Variants in SGK3 observed in about 807,000 individuals in gnomAD.
SGK3 encodes serine/threonine-protein kinase Sgk3.
Under a neutral mutation model 68.5 loss-of-function variants are expected in SGK3, and 47 were observed. That is an observed-to-expected ratio of 0.69 (90% confidence interval 0.54 to 0.87). SGK3 has a LOEUF of 0.87. Ranked by LOEUF, SGK3 falls within the 40% of genes least tolerant of loss-of-function variation. The pLI is 0.00. For synonymous variants in SGK3, 181 were observed against 189.1 expected, an observed-to-expected ratio of 0.96 and a Z score of 0.35; for missense variants, 479 against 575.5, an observed-to-expected ratio of 0.83 and a Z score of 1.72.
intron 1 of SGK3, among the ~76,000 whole-genome samples, chr8:66,773,790 G>A (rs1055778924): frequency 1.3e-5 from 2 of 152,108 alleles, no homozygotes; most frequent in Admixed American, 6.6e-5. Context: ...GTGGGATAGC[G>A]TGAGATTTTA....
chr8:66,806,172 G>GT lies in SGK3; in HGVS notation c.253+1735dup, dbSNP rs146998330. Among the ~76,000 whole-genome samples the GT allele has an allele frequency of 2.7e-4, 41 of 149,794 alleles. No individual in the cohort carries two copies. The South Asian group carries it at 4.0e-3, about 15-fold the overall frequency. On this transcript the variant is annotated intron_variant, in intron 4 of 16. Coordinates refer to ENST00000521198, the MANE Select transcript of SGK3 (RefSeq NM_001033578.3). ...TCTTACTTCCCTGGTTACATACAGA[G>GT]TTTTTTTTTTCTCTCTTTCTTTCTT...
chr8:66,841,808 GTATC>G lies in SGK3; in HGVS notation c.978+702_978+705del, dbSNP rs1302548606. 3.9e-5 allele frequency among the ~76,000 whole-genome samples: 6 copies of G among 152,228 alleles called. No homozygotes were observed. The East Asian group carries it at 1.2e-3, about 29-fold the overall frequency. Reference sequence around the variant, plus strand: ...CTAATCATGTTAGCTAGCAAAAAAAGTATCTATTTGTGACAATAGTAATGATCCT... The same window carrying G: ...CTAATCATGTTAGCTAGCAAAAAAAGTATTTGTGACAATAGTAATGATCCT... On this transcript the variant is annotated intron_variant, in intron 13 of 16. Transcript: ENST00000521198.
intron 1 of SGK3, among the ~76,000 whole-genome samples, chr8:66,779,612 T>C (rs867994094): frequency 1.4e-5 from 2 of 142,514 alleles, no homozygotes; most frequent in African/African-American, 2.5e-5. Context: ...AAAACACATT[T>C]TTTATATATA....
intron 3 of SGK3, among the ~76,000 whole-genome samples, chr8:66,801,806 G>A (rs1807958512): frequency 6.6e-6 from 1 of 152,090 alleles, no homozygotes; most frequent in Non-Finnish European, 1.5e-5. Flanking sequence ...GGGGTGTAGG[G>A]AATGTCATCT....
intron 1 of SGK3, among the ~76,000 whole-genome samples, chr8:66,717,237 CA>C (rs925998705): frequency 2.2e-4 from 23 of 104,408 alleles, no homozygotes; most frequent in East Asian, 4.6e-4. Flanking sequence ...ACAAAAAAAA[CA>C]AAAAAAAAAC....
At chr8:66,752,331 T>C (rs1805842652) in intron 1 of SGK3, among the ~76,000 whole-genome samples, 1 of 152,138 alleles carries the variant, frequency 6.6e-6, no homozygotes, top group South Asian at 2.1e-4. Flanking sequence ...GACTTGGCAA[T>C]GTTAAAACCA....
intron 1 of SGK3, among the ~76,000 whole-genome samples, chr8:66,772,619 G>A (rs1180294016): frequency 1.3e-5 from 2 of 149,676 alleles, no homozygotes; most frequent in Non-Finnish European, 3.0e-5. Context: ...GGAGTGCAGT[G>A]GTGCAATCTC....
intron 1 of SGK3, among the ~76,000 whole-genome samples, chr8:66,720,950 A>G (rs1402352876): frequency 1.3e-5 from 2 of 152,108 alleles, no homozygotes; most frequent in African/African-American, 4.8e-5. Context: ...TGTCTCACAA[A>G]CAAAACAAAC....
intron 4 of SGK3, among the ~76,000 whole-genome samples, chr8:66,810,672 G>GC (rs1563640010): frequency 6.6e-6 from 1 of 152,180 alleles, no homozygotes; most frequent in African/African-American, 2.4e-5. Context: ...TTGCACTCCA[G>GC]CCTAGGCAAC....
At chr8:66,830,664 C>A (rs1809266386) in intron 7 of SGK3, among the ~76,000 whole-genome samples, 1 of 152,196 alleles carries the variant, frequency 6.6e-6, no homozygotes, top group Non-Finnish European at 1.5e-5. Flanking sequence ...CTTTTCTCTT[C>A]CTGGTTTTCC....
intron 1 of SGK3, among the ~76,000 whole-genome samples, chr8:66,743,245 A>G (rs1805534090): frequency 6.6e-6 from 1 of 152,326 alleles, no homozygotes; most frequent in African/African-American, 2.4e-5. Context: ...AAATGTATAT[A>G]AAAAAGAGAT....
intron 1 of SGK3, among the ~76,000 whole-genome samples, chr8:66,739,200 CA>C (rs1805411669): frequency 6.6e-6 from 1 of 152,116 alleles, no homozygotes; most frequent in Non-Finnish European, 1.5e-5. Context: ...TGGATTCTGA[CA>C]AGAGTTTTCT....
intron 5 of SGK3, among the ~76,000 whole-genome samples, chr8:66,820,302 A>G (rs541895932): frequency 6.6e-6 from 1 of 152,294 alleles, no homozygotes; most frequent in Admixed American, 6.5e-5. Flanking sequence ...ATGAAATTAT[A>G]TACTAGGTGA....
intron 1 of SGK3, among the ~76,000 whole-genome samples, chr8:66,784,275 C>G (rs894568516): frequency 1.3e-5 from 2 of 152,106 alleles, no homozygotes; most frequent in African/African-American, 4.8e-5. Flanking sequence ...CCTTTAGGTG[C>G]CATTGTTTCT....
intron 5 of SGK3, among the ~76,000 whole-genome samples, chr8:66,816,527 G>A (rs868112680): frequency 4.4e-4 from 67 of 151,654 alleles, no homozygotes; most frequent in African/African-American, 1.5e-3. Context: ...TGTATTTTTA[G>A]TAGAGACGGG....
rs535509397 is a variant in SGK3, at chr8:66,726,956, G to A, written c.-122+14123G>A. ...AACTTTACCAGTGATAACAAGTACT[G>A]TTGTCATATTCTAAAACCTAACAAT... On this transcript the variant is annotated intron_variant, in intron 1 of 16. Coordinates refer to ENST00000521198, the MANE Select transcript of SGK3 (RefSeq NM_001033578.3). 4.9e-4 allele frequency among the ~76,000 whole-genome samples: 75 copies of A among 152,196 alleles called. 1 individual carries two copies. The highest frequency in any genetic ancestry group is 1.6e-3 in the African/African-American group (65 of 41,530).
chr8:66,729,847 T>C (rs900768366), intron 1 of SGK3, among the ~76,000 whole-genome samples: 17 of 152,044 alleles, frequency 1.1e-4, no homozygotes, highest in African/African-American at 3.1e-4. Context: ...CGGATTCAAG[T>C]GATTCTTCTG....
chr8:66,745,466 C>T lies in SGK3; in HGVS notation c.-122+32633C>T, dbSNP rs565912308. Among the ~76,000 whole-genome samples, 492 of 151,798 alleles carry T rather than the reference C, an allele frequency of 3.2e-3. 5 individuals are homozygous for T. The highest frequency in any genetic ancestry group is 0.012 in the African/African-American group (479 of 41,378). ...GCGGGCGCCTGTAGTCCCAGCTACT[C>T]GGGAGGCTGAGGCAGCAGAATGGCA... On this transcript the variant is annotated intron_variant, in intron 1 of 16. Transcript: ENST00000521198.
Position 66,859,519 on chromosome 8 carries a change from G to C in SGK3, c.1429G>C (p.Glu477Gln), listed in dbSNP as rs1376841391. The C allele has an allele frequency of 6.2e-7, 1 of 1,613,624 alleles. No homozygotes were observed. The highest frequency in any genetic ancestry group is 8.5e-7 in the Non-Finnish European group (1 of 1,179,720). ...TTCTATAGTGAATGCCAGTGTATTG[G>C]AGGCAGATGATGCATTCGTTGGTTT... is the stretch of plus-strand genomic sequence containing the variant. ...DYSIVNASVL[E>Q]ADDAFVGFSY... Residue 477 changes from glutamate to glutamine, a missense_variant, in exon 17 of 17, where the codon GAG becomes CAG. By Grantham distance (29) the Glu-to-Gln change is conservative. Around this residue, in one of 3 missense-constraint regions of SGK3, gnomAD observed 173 missense variants for 214.3 expected, o/e 0.81. Coordinates refer to ENST00000521198, the MANE Select transcript of SGK3 (RefSeq NM_001033578.3).
Sources: allele counts gnomAD v4.1 joint callset (sites outside exome capture counted in the v4.1 genomes callset), GRCh38; gene constraint gnomAD v4.1.1; regional missense constraint gnomAD v4.1.1; transcripts MANE v1.5; gene names NCBI Gene and HGNC (gene_info 2026-07-23, HGNC 2026-07-21).